Variants in SKAP1 observed in about 807,000 individuals in gnomAD.
SKAP1 encodes src kinase-associated phosphoprotein 1.
Under a neutral mutation model 58.5 loss-of-function variants are expected in SKAP1, and 44 were observed. The ratio of observed to expected loss-of-function variants is 0.75; its 90% CI spans 0.59 to 0.97. SKAP1 has a LOEUF of 0.97. SKAP1 is among the 50% of genes least tolerant of loss of function. The pLI is 0.00. For synonymous variants in SKAP1, 127 were observed against 149.7 expected (o/e 0.85, Z 1.11); for missense variants, 390 against 435.2 (o/e 0.90, Z 0.92).
At chr17:48,260,150 G>A (rs960366515) in intron 4 of SKAP1, among the ~76,000 whole-genome samples, 4 of 152,042 alleles carry the variant, frequency 2.6e-5, no homozygotes, top group Non-Finnish European at 5.9e-5. Context: ...AGAAGTGTTG[G>A]ACAATTGTTT....
At chr17:48,299,702 T>C (rs1245934403) in intron 4 of SKAP1, among the ~76,000 whole-genome samples, 7 of 152,166 alleles carry the variant, frequency 4.6e-5, no homozygotes, top group Admixed American at 4.6e-4. Context: ...GTGTATGTAA[T>C]ACAATGCAGG....
chr17:48,202,688 C>T (rs1356277947), intron 4 of SKAP1, among the ~76,000 whole-genome samples: 1 of 152,088 alleles, frequency 6.6e-6, no homozygotes, highest in East Asian at 1.9e-4. Flanking sequence ...CCAACCAAAT[C>T]ACCAAGTCTG....
rs57181313 is a variant in SKAP1 at position 48,417,744 on chromosome 17, C to CA, written c.46+12330dup. Among the ~76,000 whole-genome samples, 388 of 114,346 alleles carry CA rather than the reference C, an allele frequency of 3.4e-3. 1 individual carries two copies. Among genetic ancestry groups the CA allele is most frequent in the South Asian group, 0.015 (47 of 3,082 alleles). 75.0% of individuals were successfully genotyped at this position (114,346 alleles called of 152,430 possible). A position where few individuals can be genotyped will look rare whatever the true frequency, so the allele number is the denominator to read the frequency against. ...TGAGTGACAGAGCGAGACTTCGTCT[C>CA]AAAAAAAAAAAAAAAAAGAAAAAGA... On this transcript the variant is annotated intron_variant, in intron 1 of 12. Transcript: ENST00000336915.
intron 4 of SKAP1, among the ~76,000 whole-genome samples, chr17:48,277,389 T>C (rs2065714104): frequency 6.6e-6 from 1 of 152,244 alleles, no homozygotes; most frequent in African/African-American, 2.4e-5. Flanking sequence ...GATAGTCTAA[T>C]TTATCTATAC....
intron 4 of SKAP1, among the ~76,000 whole-genome samples, chr17:48,197,678 A>G (rs2064656618): frequency 6.6e-6 from 1 of 152,212 alleles, no homozygotes; most frequent in Non-Finnish European, 1.5e-5. Flanking sequence ...GACTCAAAAC[A>G]AAAAACAAAC....
chr17:48,378,561 TC>T (rs2067177972), intron 2 of SKAP1, among the ~76,000 whole-genome samples: 1 of 152,076 alleles, frequency 6.6e-6, no homozygotes, highest in African/African-American at 2.4e-5. Flanking sequence ...TCTCAGGTCC[TC>T]CCCGGCTCCC....
chr17:48,266,012 T>C (rs2065544534), intron 4 of SKAP1, among the ~76,000 whole-genome samples: 1 of 152,158 alleles, frequency 6.6e-6, no homozygotes, highest in South Asian at 2.1e-4. Flanking sequence ...TTACTCATTC[T>C]CTCCTGAACA....
Position 48,186,718 on chromosome 17 carries a change from C to T in SKAP1, c.442+1125G>A, listed in dbSNP as rs2064458965. On this transcript the variant is annotated intron_variant, in intron 6 of 12. Transcript: ENST00000336915. ...AACTCCTGACCTCATGATCTGCCTG[C>T]CTTGGCCTCCCAAAGTGCTGGGATT... Among the ~76,000 whole-genome samples, 7 of 147,882 alleles carry T rather than the reference C, an allele frequency of 4.7e-5. No individual in the cohort carries two copies. In the Admixed American group the frequency reaches 4.8e-4, roughly 10 times the overall value.
the SKAP1 span, among the ~76,000 whole-genome samples, chr17:48,439,783 G>A: frequency 2.0e-5 from 3 of 152,194 alleles, no homozygotes; most frequent in African/African-American, 7.2e-5. Flanking sequence ...TCATGAGTTG[G>A]AGGAGGAATC....
chr17:48,188,088 T>C (rs1179293755), intron 5 of SKAP1, among the ~76,000 whole-genome samples, 162 bp from the exon 6 acceptor site: 1 of 152,202 alleles, frequency 6.6e-6, no homozygotes, highest in Non-Finnish European at 1.5e-5. Flanking sequence ...CCATATTGAC[T>C]CAGGGTCCAG....
intron 4 of SKAP1, among the ~76,000 whole-genome samples, chr17:48,279,951 G>A (rs910058659): frequency 6.6e-6 from 1 of 152,022 alleles, no homozygotes; most frequent in Non-Finnish European, 1.5e-5. Context: ...CATTCCCTGG[G>A]GCCCTGTTGT....
At chr17:48,406,513 C>T (rs1411542521) in intron 1 of SKAP1, among the ~76,000 whole-genome samples, 1 of 151,098 alleles carries the variant, frequency 6.6e-6, no homozygotes, top group African/African-American at 2.4e-5. Context: ...AAGTGATTCA[C>T]CCACCTCAGC....
intron 4 of SKAP1, among the ~76,000 whole-genome samples, chr17:48,300,348 G>A (rs1307828423): frequency 6.6e-6 from 1 of 152,154 alleles, no homozygotes; most frequent in African/African-American, 2.4e-5. Context: ...TGGGACAGGA[G>A]AGTGAGAGGC....
chr17:48,434,111 T>A (rs974188007), upstream of SKAP1, among the ~76,000 whole-genome samples: 16 of 152,214 alleles, frequency 1.1e-4, no homozygotes, highest in Admixed American at 5.9e-4. Context: ...GGAGCTGACG[T>A]CTGCCCTATG....
At chr17:48,216,632 C>T (rs1158922470) in intron 4 of SKAP1, among the ~76,000 whole-genome samples, 1 of 152,038 alleles carries the variant, frequency 6.6e-6, no homozygotes, top group East Asian at 1.9e-4. Flanking sequence ...GCTGCGACTA[C>T]AGGTGCACAC....
chr17:48,259,965 G>A (rs1038591935), intron 4 of SKAP1, among the ~76,000 whole-genome samples: 23 of 152,096 alleles, frequency 1.5e-4, no homozygotes, highest in African/African-American at 5.6e-4. Context: ...TTAAAAACAA[G>A]TTAAAAACAT....
At chr17:48,158,784 C>CAAAATT (rs2064027015) in intron 11 of SKAP1, among the ~76,000 whole-genome samples, 1 of 151,146 alleles carries the variant, frequency 6.6e-6, no homozygotes, top group African/African-American at 2.4e-5. Flanking sequence ...CACGGTGAAA[C>CAAAATT]CGCGTCTCTA....
rs111771569 is a variant in SKAP1, at chr17:48,180,142, C to T, written c.738G>A (p.Gln246=). The T allele has an allele frequency of 2.2e-4, 353 of 1,614,028 alleles. 2 individuals are homozygous for T. In the African/African-American group the frequency reaches 4.5e-3, roughly 21 times the overall value. ...DGFDSPSCGS[Q]CRPTILPGSV... ...TCCCAGGCAAGATAGTGGGTCTGCA[C>T]TGGGAACCACAACTTGGGGAGTCAA... Residue 246 remains glutamine (Q), a synonymous_variant, in exon 9 of 13, where the codon CAG becomes CAA. Transcript: ENST00000336915.
intron 1 of SKAP1, among the ~76,000 whole-genome samples, chr17:48,416,972 T>C (rs1441714558): frequency 1.3e-5 from 2 of 152,194 alleles, no homozygotes; most frequent in Non-Finnish European, 2.9e-5. Flanking sequence ...AAAAGTACCA[T>C]AGTGGGGAAA....
Sources: gnomAD v4.1 joint callset for allele counts (sites outside exome capture counted in the v4.1 genomes callset) on GRCh38, gnomAD v4.1.1 for gene constraint, MANE v1.5 for transcripts, NCBI Gene and HGNC (gene_info 2026-07-23, HGNC 2026-07-21) for gene names.